Variants in TUBGCP2 observed in about 807,000 individuals in gnomAD.
TUBGCP2 encodes tubulin gamma complex component 2, also known as gamma-tubulin complex component 2.
A neutral mutation model predicts 92.2 loss-of-function variants in TUBGCP2; 55 were observed. The ratio of observed to expected loss-of-function variants is 0.60; its 90% CI spans 0.48 to 0.75. The LOEUF (loss-of-function observed/expected upper bound fraction) is 0.75. Ranked by LOEUF, TUBGCP2 falls within the 30% of genes least tolerant of loss-of-function variation. The pLI, the probability that TUBGCP2 is intolerant of heterozygous loss-of-function variation, is 0.00. For synonymous variants in TUBGCP2, 533 were observed against 505.2 expected (o/e 1.06, Z -0.74); for missense variants, 1,093 against 1,188.9 (o/e 0.92, Z 1.19).
Position 133,299,975 on chromosome 10 carries a change from G to A in TUBGCP2, c.279+10C>T. 2 of 1,613,402 alleles carry A rather than the reference G, an allele frequency of 1.2e-6. No individual in the cohort carries two copies. Among genetic ancestry groups the A allele is most frequent in the Non-Finnish European group, 1.7e-6 (2 of 1,179,528 alleles). The stretch of plus-strand genomic sequence containing the variant: ...ACGGGCGCAGTGTGGCACGTGGCAT[G>A]GGCACCTACCTCTTTGTCTTCCGTG... On this transcript the variant is annotated intron_variant, in intron 3 of 17. Coordinates refer to ENST00000252936, the MANE Select transcript of TUBGCP2 (RefSeq NM_006659.4).
At position 133,285,678 on chromosome 10, in the gene TUBGCP2, C is replaced by G; in HGVS notation, c.1723-50G>C. On this transcript the variant is annotated intron_variant, in intron 11 of 17. Transcript: ENST00000252936. The surrounding 1 kb of genome is among the most constrained non-coding windows in gnomAD (Gnocchi z 6.8). The stretch of plus-strand genomic sequence containing the variant: ...AGCATCCAGTTTTAAGGAAAAGACC[C>G]GAAGTCGCATCCCGATCGCCATCCT... 1 of 1,470,110 alleles carries G rather than the reference C, an allele frequency of 6.8e-7. No homozygotes were observed. 91.1% of individuals were successfully genotyped at this position (1,470,110 alleles called of 1,614,324 possible). A position where few individuals can be genotyped will look rare whatever the true frequency, so the allele number is the denominator to read the frequency against.
chr10:133,289,743 C>A, intron 9 of TUBGCP2, 81 bp downstream of exon 9: 2 of 1,502,580 alleles, frequency 1.3e-6, no homozygotes, highest in African/African-American at 1.4e-5. Context: ...CACAGGCTCC[C>A]GGTGGGAGGG....
intron 1 of TUBGCP2, among the ~76,000 whole-genome samples, chr10:133,305,632 A>G (rs1380882049): frequency 1.3e-5 from 2 of 152,210 alleles, no homozygotes; most frequent in East Asian, 1.9e-4. Flanking sequence ...ATACTCCCAC[A>G]ATATGCTAAT....
intron 2 of TUBGCP2, among the ~76,000 whole-genome samples, chr10:133,301,112 T>C (rs1847641407): frequency 6.6e-6 from 1 of 152,218 alleles, no homozygotes; most frequent in South Asian, 2.1e-4. Flanking sequence ...GAATTTGTTA[T>C]TATGTGCAAC....
At chr10:133,299,958 A>G in intron 3 of TUBGCP2, 27 bp downstream of exon 3, 1 of 1,611,450 alleles carries the variant, frequency 6.2e-7, no homozygotes, top group Non-Finnish European at 8.5e-7. Flanking sequence ...GTACGGGCGC[A>G]GTGTGGCACG....
In TUBGCP2 at chr10:133,304,889, C is replaced by T. The variant is rs113139345; in HGVS notation, c.-39-1909G>A. Among the ~76,000 whole-genome samples, 1,349 of 152,288 alleles carry T rather than the reference C, an allele frequency of 8.9e-3. 21 individuals are homozygous for T. The highest frequency in any genetic ancestry group is 0.031 in the African/African-American group (1,274 of 41,540). ...GCCTTCTGTCATGCCCGGACAGGGCCACCAGAGGGCTCCTTGGTCTAGCGG... is the reference window on the plus strand; with the variant it reads ...GCCTTCTGTCATGCCCGGACAGGGCTACCAGAGGGCTCCTTGGTCTAGCGG... On this transcript the variant is annotated intron_variant, in intron 1 of 17. Coordinates refer to ENST00000252936, the MANE Select transcript of TUBGCP2 (RefSeq NM_006659.4).
rs1331864007 is a variant in TUBGCP2 at position 133,299,968 on chromosome 10, G to A, written c.279+17C>T. 30 of 1,612,870 alleles carry A rather than the reference G, an allele frequency of 1.9e-5. No individual in the cohort carries two copies. Among genetic ancestry groups the A allele is most frequent in the Middle Eastern group, 1.6e-4 (1 of 6,078 alleles). On this transcript the variant is annotated intron_variant, in intron 3 of 17. Coordinates refer to ENST00000252936, the MANE Select transcript of TUBGCP2 (RefSeq NM_006659.4). ...GGGCCGTACGGGCGCAGTGTGGCACGTGGCATGGGCACCTACCTCTTTGTC... is the reference window on the plus strand; with the variant it reads ...GGGCCGTACGGGCGCAGTGTGGCACATGGCATGGGCACCTACCTCTTTGTC...
chr10:133,299,523 G>C lies in TUBGCP2; in HGVS notation c.360C>G (p.Ile120Met). The C allele has an allele frequency of 6.2e-7, 1 of 1,613,906 alleles. No homozygotes were observed. Among genetic ancestry groups the C allele is most frequent in the Non-Finnish European group, 8.5e-7 (1 of 1,180,002 alleles). The change falls in exon 4 of 18, where the codon ATC becomes ATG. Residue 120 changes from isoleucine (I) to methionine (M), a missense_variant. Around this residue, in one of 3 missense-constraint regions of TUBGCP2, gnomAD observed 490 missense variants for 488.5 expected, o/e 1.00. Transcript: ENST00000252936. Reference sequence around the variant, plus strand: ...TCTTGGAGGCCGCGGCAGGGACGTTGATGCTGGTGGTACTGCTGCCCACAG... The same window carrying C: ...TCTTGGAGGCCGCGGCAGGGACGTTCATGCTGGTGGTACTGCTGCCCACAG... ...AAAVGSSTTSINVPAAASKIS... is the reference protein window; with the variant it reads ...AAAVGSSTTSMNVPAAASKIS...
At chr10:133,309,517 C>T (rs1015541110), upstream of TUBGCP2, 12 of 1,563,570 alleles carry the variant, frequency 7.7e-6, no homozygotes, top group African/African-American at 1.1e-4. Context: ...CCTCCCTGAC[C>T]GGTGCCTGGT....
intron 13 of TUBGCP2, among the ~76,000 whole-genome samples, chr10:133,284,584 C>T (rs942579876): frequency 6.6e-6 from 1 of 152,160 alleles, no homozygotes; most frequent in African/African-American, 2.4e-5. Flanking sequence ...GGGTCTCGAA[C>T]TTGTGGGCTC....
Position 133,282,972 on chromosome 10 carries a change from G to A in TUBGCP2, c.2289+106C>T, listed in dbSNP as rs3747887. On this transcript the variant is annotated intron_variant, in intron 15 of 17. Coordinates refer to ENST00000252936, the MANE Select transcript of TUBGCP2 (RefSeq NM_006659.4). Reference sequence around the variant, plus strand: ...ACTCAGATCCCAGCGGCTCCTCCACGAACACAAGGGCAGGAAAACGTGAGC... The same window carrying A: ...ACTCAGATCCCAGCGGCTCCTCCACAAACACAAGGGCAGGAAAACGTGAGC... The A allele has an allele frequency of 0.015, 21,710 of 1,469,604 alleles. 1,810 individuals are homozygous for A. In the African/African-American group the frequency reaches 0.22, roughly 15 times the overall value. 91.0% of individuals were successfully genotyped at this position (1,469,604 alleles called of 1,614,324 possible). A position where few individuals can be genotyped will look rare whatever the true frequency, so the allele number is the denominator to read the frequency against.
chr10:133,294,099 T>C (rs976580313), intron 5 of TUBGCP2, among the ~76,000 whole-genome samples: 2 of 152,258 alleles, frequency 1.3e-5, no homozygotes, highest in Non-Finnish European at 2.9e-5. Flanking sequence ...ACTTTCAACA[T>C]TGGTAAGTAC....
At chr10:133,306,338 G>A (rs1279377938) in intron 1 of TUBGCP2, among the ~76,000 whole-genome samples, 3 of 152,124 alleles carry the variant, frequency 2.0e-5, no homozygotes, top group Non-Finnish European at 2.9e-5. Context: ...TCGGCTCCCC[G>A]AGGACTGCAG....
chr10:133,309,033 G>T, upstream of TUBGCP2: 1 of 1,269,568 alleles, frequency 7.9e-7, no homozygotes, highest in Non-Finnish European at 1.0e-6. Context: ...CCGCGGCTGG[G>T]GCCGCGCCCT....
intron 16 of TUBGCP2, 158 bp from the exon 17 acceptor site, chr10:133,281,594 G>T: frequency 9.7e-7 from 1 of 1,029,000 alleles, no homozygotes; most frequent in South Asian, 1.7e-5. Context: ...AGGTAAAAAA[G>T]ACATCAAAAA....
At chr10:133,281,560 T>A (rs561582729) in intron 16 of TUBGCP2, 124 bp from the exon 17 acceptor site, 1 of 1,248,446 alleles carries the variant, frequency 8.0e-7, no homozygotes, top group Admixed American at 2.7e-5. Flanking sequence ...AAACATGGGT[T>A]CCATGATGTT....
chr10:133,282,567 T>C (rs550692841), intron 15 of TUBGCP2, among the ~76,000 whole-genome samples: 2 of 152,128 alleles, frequency 1.3e-5, no homozygotes, highest in Non-Finnish European at 2.9e-5. Flanking sequence ...AGAACAGTTA[T>C]TTTGGTGTTT....
intron 16 of TUBGCP2, 57 bp downstream of exon 16, chr10:133,282,166 G>A: frequency 6.2e-7 from 1 of 1,607,958 alleles, no homozygotes; most frequent in African/African-American, 1.3e-5. Context: ...GGATGCCCAG[G>A]CTGCCGCCCA....
At chr10:133,292,772 T>C in intron 7 of TUBGCP2, 84 bp from the exon 8 acceptor site, 1 of 1,450,290 alleles carries the variant, frequency 6.9e-7, no homozygotes, top group Non-Finnish European at 9.3e-7. Context: ...CCCCTCATGC[T>C]TCTCCAACCT....
Sources: gnomAD v4.1 joint callset for allele counts (sites outside exome capture counted in the v4.1 genomes callset) on GRCh38, gnomAD v4.1.1 for gene constraint, gnomAD v4.1.1 regional missense constraint, Gnocchi (gnomAD v3.1) non-coding constraint, MANE v1.5 for transcripts, NCBI Gene and HGNC (gene_info 2026-07-23, HGNC 2026-07-21) for gene names.